HSF2BP: variants seen among roughly 807,000 people sequenced by gnomAD.
The protein encoded by HSF2BP is heat shock transcription factor 2 binding protein.
In HSF2BP, 35 loss-of-function variants were observed where a neutral mutation model predicts 35.0. That is an observed-to-expected ratio of 1.00 (90% CI 0.76 to 1.32). HSF2BP has a LOEUF of 1.32. Among genes scored for constraint, HSF2BP ranks in the 40% most tolerant of loss-of-function variants. HSF2BP has a pLI of 0.00. For missense variants in HSF2BP, 326 were observed against 321.7 expected, an observed-to-expected ratio of 1.01 and a Z score of -0.10; for synonymous variants, 114 against 117.4, an observed-to-expected ratio of 0.97 and a Z score of 0.18.
At chr21:43,630,594 A>G in intron 5 of HSF2BP, 140 bp from the exon 6 acceptor site, 1 of 1,153,246 alleles carries the variant, frequency 8.7e-7, no homozygotes, top group Non-Finnish European at 1.2e-6. Flanking sequence ...GTTCCCATTA[A>G]AAGAACAGAG....
At chr21:43,615,535 A>C (rs1207482893) in intron 6 of HSF2BP, among the ~76,000 whole-genome samples, 1 of 152,196 alleles carries the variant, frequency 6.6e-6, no homozygotes, top group Non-Finnish European at 1.5e-5. Context: ...AGGGATAGTA[A>C]AGTCTACTAA....
chr21:43,622,088 G>A (rs532248713), intron 6 of HSF2BP, among the ~76,000 whole-genome samples: 1 of 152,232 alleles, frequency 6.6e-6, no homozygotes, highest in South Asian at 2.1e-4. Context: ...TGTGATCAAA[G>A]ATAAGTCATC....
At chr21:43,501,153 T>A in the HSF2BP span, among the ~76,000 whole-genome samples, 2 of 104,744 alleles carry the variant, frequency 1.9e-5, 1 homozygote, top group African/African-American at 9.3e-5. Context: ...AACACACTTG[T>A]TCCCCCTTAT....
rs545057206 is a variant in HSF2BP at position 43,612,518 on chromosome 21, G to C, written c.692+1312C>G. Among the ~76,000 whole-genome samples the C allele has an allele frequency of 8.5e-5, 13 of 152,246 alleles. No homozygotes were observed. The South Asian group carries it at 2.5e-3, about 29-fold the overall frequency. On this transcript the variant is annotated intron_variant, in intron 7 of 8. Coordinates refer to ENST00000291560, the MANE Select transcript of HSF2BP (RefSeq NM_007031.2). ...TACAAAAAATTAGCTGGGCGTGGTG[G>C]CGGGCGCCTGTAGTCCCAGCTACTT...
intron 6 of HSF2BP, among the ~76,000 whole-genome samples, chr21:43,620,695 T>TA (rs1262614215): frequency 2.0e-5 from 3 of 150,404 alleles, no homozygotes; most frequent in Non-Finnish European, 4.4e-5. Flanking sequence ...ATCCCATCTC[T>TA]AAAAAATCAA....
At chr21:43,614,191 C>T (rs947843030) in intron 6 of HSF2BP, among the ~76,000 whole-genome samples, 4 of 151,902 alleles carry the variant, frequency 2.6e-5, no homozygotes, top group African/African-American at 9.7e-5. Flanking sequence ...CAGCAAGACC[C>T]TATCTCTACA....
intron 1 of HSF2BP, among the ~76,000 whole-genome samples, chr21:43,658,809 G>A (rs2082919375): frequency 6.6e-6 from 1 of 152,212 alleles, no homozygotes; most frequent in Non-Finnish European, 1.5e-5. Flanking sequence ...GGGTAGGGGC[G>A]CACCGATCTG....
At chr21:43,635,604 CA>C (rs552251856) in intron 4 of HSF2BP, among the ~76,000 whole-genome samples, 13 of 147,424 alleles carry the variant, frequency 8.8e-5, no homozygotes, top group Admixed American at 1.4e-4. Context: ...TATTCATATG[CA>C]AAAAAAAAAT....
chr21:43,652,951 G>A (rs2147120056), intron 3 of HSF2BP, among the ~76,000 whole-genome samples: 1 of 152,152 alleles, frequency 6.6e-6, no homozygotes, highest in Non-Finnish European at 1.5e-5. Context: ...TCTGGCCAAC[G>A]TGGTGAAACC....
chr21:43,653,736 G>A (rs556950969), intron 3 of HSF2BP, among the ~76,000 whole-genome samples: 3 of 152,206 alleles, frequency 2.0e-5, no homozygotes, highest in Non-Finnish European at 4.4e-5. Context: ...AGGCTACAGT[G>A]TGTCTGAGGG....
intron 6 of HSF2BP, among the ~76,000 whole-genome samples, chr21:43,626,342 T>C (rs957496053): frequency 1.3e-5 from 2 of 151,654 alleles, no homozygotes; most frequent in Non-Finnish European, 1.5e-5. Flanking sequence ...ATAAAGCAAA[T>C]AAAGCAGAGA....
Position 43,606,609 on chromosome 21 carries a change from G to T in HSF2BP, c.692+7221C>A, listed in dbSNP as rs144363594. Among the ~76,000 whole-genome samples the T allele has an allele frequency of 2.2e-4, 34 of 152,338 alleles. No individual in the cohort carries two copies. The East Asian group carries it at 5.6e-3, about 25-fold the overall frequency. Reference sequence around the variant, plus strand: ...AGGCAGACTACTGCCACAGTGAAGGGCACAGCAAATCTTGGGAGCTGAGAA... The same window carrying T: ...AGGCAGACTACTGCCACAGTGAAGGTCACAGCAAATCTTGGGAGCTGAGAA... On this transcript the variant is annotated intron_variant, in intron 7 of 8. Transcript: ENST00000291560.
chr21:43,616,758 C>T (rs1227873122), intron 6 of HSF2BP, among the ~76,000 whole-genome samples: 1 of 151,986 alleles, frequency 6.6e-6, no homozygotes, highest in Non-Finnish European at 1.5e-5. Flanking sequence ...ATGATGAAAC[C>T]GTCTCTACTA....
chr21:43,625,320 A>ATATGC, intron 6 of HSF2BP, among the ~76,000 whole-genome samples: 1 of 152,204 alleles, frequency 6.6e-6, no homozygotes, highest in South Asian at 2.1e-4. Context: ...CACCTGGGGC[A>ATATGC]TATGCTGGAC....
chr21:43,591,608 A>C (rs2146782987), intron 8 of HSF2BP, among the ~76,000 whole-genome samples: 1 of 152,358 alleles, frequency 6.6e-6, no homozygotes, highest in South Asian at 2.1e-4. Flanking sequence ...CCTACTTTCT[A>C]ATACTTTAAA....
At chr21:43,609,381 C>T (rs2082174424) in intron 7 of HSF2BP, among the ~76,000 whole-genome samples, 1 of 152,156 alleles carries the variant, frequency 6.6e-6, no homozygotes, top group Non-Finnish European at 1.5e-5. Flanking sequence ...ACCTTGGCAT[C>T]ACGCAATATA....
chr21:43,649,302 G>A (rs914178322), intron 3 of HSF2BP, among the ~76,000 whole-genome samples: 7 of 151,816 alleles, frequency 4.6e-5, no homozygotes, highest in South Asian at 2.1e-4. Flanking sequence ...GCATGATGGC[G>A]CGCACCTGTA....
At chr21:43,629,419 G>T (rs2082427314) in intron 6 of HSF2BP, among the ~76,000 whole-genome samples, 1 of 152,188 alleles carries the variant, frequency 6.6e-6, no homozygotes, top group African/African-American at 2.4e-5. Context: ...TACAAAATTA[G>T]CTGGGCATGG....
At chr21:43,629,176 T>A (rs2082424615) in intron 6 of HSF2BP, among the ~76,000 whole-genome samples, 1 of 152,228 alleles carries the variant, frequency 6.6e-6, no homozygotes, top group South Asian at 2.1e-4. Context: ...TTCATAACGC[T>A]ACAGCTGCCA....
Sources: allele counts gnomAD v4.1 joint callset (sites outside exome capture counted in the v4.1 genomes callset), GRCh38; gene constraint gnomAD v4.1.1; transcripts MANE v1.5; gene names NCBI Gene and HGNC (gene_info 2026-07-23, HGNC 2026-07-21).